ADGRL3: variants seen among roughly 807,000 people sequenced by gnomAD.
ADGRL3 encodes the protein adhesion G protein-coupled receptor L3, also known as calcium-independent alpha-latrotoxin receptor 3.
Under a neutral mutation model 153.5 loss-of-function variants are expected in ADGRL3, and 62 were observed. The ratio of observed to expected loss-of-function variants is 0.40; its 90% CI spans 0.33 to 0.50. The LOEUF (loss-of-function observed/expected upper bound fraction) is 0.50, where lower values mean the gene tolerates loss of function less well. Among genes scored for constraint, ADGRL3 ranks in the 20% least tolerant of loss-of-function variants. ADGRL3 has a pLI of 0.47. For synonymous variants in ADGRL3, 710 were observed against 672.5 expected (o/e 1.06, Z -0.86); for missense variants, 1,641 against 1,859.4 (o/e 0.88, Z 2.16).
At position 61,497,486 on chromosome 4, in the gene ADGRL3, A is replaced by C. The variant is rs1036734124; in HGVS notation, c.55+138A>C. The C allele has an allele frequency of 7.6e-6, 4 of 528,564 alleles. No individual in the cohort carries two copies. The African/African-American group carries it at 8.1e-5, about 11-fold the overall frequency. 32.7% of individuals were successfully genotyped at this position (528,564 alleles called of 1,614,324 possible). On this transcript the variant is annotated intron_variant, in intron 3 of 26. Transcript: ENST00000683033. ...GTTAGTATGAGTAAGTTAAAATAAA[A>C]GAACATAATGTGTATTTCCTTTTCT...
rs968708482 is a variant in ADGRL3 at position 62,074,159 on chromosome 4, A to T, written c.*3251A>T. ...ATCCTGAGACATTTATGACCTGCTT[A>T]TCTGTATATTTTTATGTGTTCATCT... On this transcript the variant is annotated 3_prime_UTR_variant, in exon 27 of 27. Coordinates refer to ENST00000683033, the MANE Select transcript of ADGRL3 (RefSeq NM_001387552.1). 1 of 151,960 alleles carries T rather than the reference A, an allele frequency of 6.6e-6. No individual in the cohort carries two copies. Among genetic ancestry groups the T allele is most frequent in the African/African-American group, 2.4e-5 (1 of 41,372 alleles). 9.4% of individuals were successfully genotyped at this position (151,960 alleles called of 1,614,324 possible).
chr4:61,370,021 G>A (rs1206821816), intron 1 of ADGRL3, among the ~76,000 whole-genome samples: 5 of 152,010 alleles, frequency 3.3e-5, no homozygotes, highest in Non-Finnish European at 7.4e-5. Flanking sequence ...TTGCATAGAG[G>A]TGTTTGTAGT....
In ADGRL3 at chr4:61,370,455, A is replaced by G. The variant is rs974327949; in HGVS notation, c.-239-12669A>G. 8.0e-4 allele frequency among the ~76,000 whole-genome samples: 121 copies of G among 151,864 alleles called. 1 individual carries two copies. In the Middle Eastern group the frequency reaches 0.041, roughly 51 times the overall value. ...TCTTTGTTCTCGTTGGTTTGAAAGAACATCTTTATTTCTGCCTTCATTTCG... is the reference window on the plus strand; with the variant it reads ...TCTTTGTTCTCGTTGGTTTGAAAGAGCATCTTTATTTCTGCCTTCATTTCG... On this transcript the variant is annotated intron_variant, in intron 1 of 26. Transcript: ENST00000683033.
intron 25 of ADGRL3, among the ~76,000 whole-genome samples, chr4:62,045,110 G>C (rs997747270): frequency 6.6e-6 from 1 of 151,824 alleles, no homozygotes; most frequent in Non-Finnish European, 1.5e-5. Flanking sequence ...GTGCTCCCTG[G>C]GTGGCATTTA....
chr4:61,722,145 G>A (rs2096253704), intron 6 of ADGRL3, among the ~76,000 whole-genome samples: 1 of 152,176 alleles, frequency 6.6e-6, no homozygotes, highest in African/African-American at 2.4e-5. Context: ...AAAGTAGTAA[G>A]TAATGTGATA....
chr4:61,580,631 G>T (rs984072), intron 4 of ADGRL3, among the ~76,000 whole-genome samples: 2 of 151,984 alleles, frequency 1.3e-5, no homozygotes, highest in Non-Finnish European at 2.9e-5. Context: ...GTATAGCCCC[G>T]GGGTTTCTCA....
At chr4:61,727,913 T>G (rs1299400872) in intron 6 of ADGRL3, among the ~76,000 whole-genome samples, 1 of 152,142 alleles carries the variant, frequency 6.6e-6, no homozygotes, top group Non-Finnish European at 1.5e-5. Context: ...ATTCAAGAGC[T>G]ATTCACTGAG....
rs1414056388 is a variant in ADGRL3 at position 61,842,501 on chromosome 4, C to G, written c.1480+28612C>G. Among the ~76,000 whole-genome samples the G allele has an allele frequency of 6.6e-5, 10 of 152,196 alleles. No individual in the cohort carries two copies. In the East Asian group the frequency reaches 1.9e-3, roughly 29 times the overall value. On this transcript the variant is annotated intron_variant, in intron 9 of 26. Transcript: ENST00000683033. ...ATCTAGGTAGCTGGCTGATTGAAAG[C>G]CAGTGAGCTTGGTTTTCTTCTGCAT...
chr4:61,686,202 T>C (rs771103570), intron 6 of ADGRL3, among the ~76,000 whole-genome samples: 1 of 152,062 alleles, frequency 6.6e-6, no homozygotes, highest in Non-Finnish European at 1.5e-5. Context: ...CATATAAACA[T>C]GTAGAGTTAA....
chr4:62,004,228 A>G (rs547298077), intron 21 of ADGRL3, among the ~76,000 whole-genome samples: 1 of 152,194 alleles, frequency 6.6e-6, no homozygotes, highest in Admixed American at 6.5e-5. Context: ...AATATAATGT[A>G]TATACTTATG....
chr4:61,396,189 T>C (rs1342929052), intron 2 of ADGRL3, among the ~76,000 whole-genome samples: 1 of 151,850 alleles, frequency 6.6e-6, no homozygotes, highest in African/African-American at 2.4e-5. Context: ...CAACATCCTT[T>C]TAGCTTTAGA....
Position 61,831,100 on chromosome 4 carries a change from G to T in ADGRL3, c.1480+17211G>T, listed in dbSNP as rs575571748. On this transcript the variant is annotated intron_variant, in intron 9 of 26. Transcript: ENST00000683033. ...GACAGGATTTCACCGTGTTGGCCAG[G>T]CTGGTCTCAAATGCCTGACCTCAAG... Among the ~76,000 whole-genome samples, 6 of 150,972 alleles carry T rather than the reference G, an allele frequency of 4.0e-5. No homozygotes were observed. The East Asian group carries it at 1.2e-3, about 30-fold the overall frequency.
chr4:61,586,041 A>G (rs1428053824), intron 4 of ADGRL3, among the ~76,000 whole-genome samples: 1 of 152,090 alleles, frequency 6.6e-6, no homozygotes, highest in Non-Finnish European at 1.5e-5. Flanking sequence ...CAAGTAAAGT[A>G]GTACAAGTTA....
At chr4:62,014,596 A>G (rs1048966203) in intron 21 of ADGRL3, among the ~76,000 whole-genome samples, 15 of 152,194 alleles carry the variant, frequency 9.9e-5, no homozygotes. Flanking sequence ...GAAAAGCCCC[A>G]TAGATGGGTG....
intron 1 of ADGRL3, among the ~76,000 whole-genome samples, chr4:61,297,892 G>C (rs2094464220): frequency 6.6e-6 from 1 of 151,882 alleles, no homozygotes. Context: ...CACTATTACA[G>C]TATCATTTGC....
chr4:61,857,171 A>G (rs1005373493), intron 9 of ADGRL3, among the ~76,000 whole-genome samples: 1 of 150,432 alleles, frequency 6.6e-6, no homozygotes, highest in Non-Finnish European at 1.5e-5. Context: ...GCCTCAAACA[A>G]TTCTCCCACC....
chr4:61,892,629 G>A (rs532872571), intron 9 of ADGRL3, 27 bp from the exon 10 acceptor site: 2 of 1,564,896 alleles, frequency 1.3e-6, no homozygotes, highest in South Asian at 2.2e-5. Context: ...AAGCAATGTA[G>A]GTGTTTTCTT....
intron 5 of ADGRL3, among the ~76,000 whole-genome samples, chr4:61,675,032 G>GC (rs1214637954): frequency 6.6e-6 from 1 of 151,912 alleles, no homozygotes; most frequent in African/African-American, 2.4e-5. Flanking sequence ...GATGAGTATG[G>GC]AGTATTAGCT....
chr4:61,227,410 C>T (rs927497316), intron 1 of ADGRL3, among the ~76,000 whole-genome samples: 24 of 151,978 alleles, frequency 1.6e-4, no homozygotes, highest in Non-Finnish European at 3.4e-4. Context: ...GTTCTCCCTG[C>T]GTTTCCCAGG....
Sources: allele counts gnomAD v4.1 joint callset (sites outside exome capture counted in the v4.1 genomes callset), GRCh38; gene constraint gnomAD v4.1.1; transcripts MANE v1.5; gene names NCBI Gene and HGNC (gene_info 2026-07-23, HGNC 2026-07-21).